Variants in TSHZ3 observed in about 807,000 individuals in gnomAD.
TSHZ3 encodes teashirt zinc finger homeobox 3.
TSHZ3 carries 10 observed loss-of-function variants against 64.5 expected under a neutral mutation model. The observed-to-expected ratio is 0.16, with a 90% CI of 0.10 to 0.26. TSHZ3 has a LOEUF of 0.26. Ranked by LOEUF, TSHZ3 falls within the 10% of genes least tolerant of loss-of-function variation. TSHZ3 has a pLI of 1.00. For synonymous variants in TSHZ3, 608 were observed against 593.1 expected (o/e 1.03, Z -0.36); for missense variants, 1,242 against 1,421.7 (o/e 0.87, Z 2.03).
intron 5 of TSHZ3, among the ~76,000 whole-genome samples, chr19:31,183,351 C>T (rs906043882): frequency 1.3e-5 from 2 of 152,122 alleles, no homozygotes; most frequent in South Asian, 2.1e-4. Context: ...CAGGGTGCCT[C>T]GACACCCGGC....
chr19:31,206,557 CT>C (rs1383838705), intron 4 of TSHZ3, among the ~76,000 whole-genome samples: 3 of 152,158 alleles, frequency 2.0e-5, no homozygotes, highest in African/African-American at 7.2e-5. Flanking sequence ...GCAACATGTC[CT>C]TCAGCTGTCT....
At position 31,348,022 on chromosome 19, in the gene TSHZ3, G is replaced by GAGAAA. The variant is rs1167379307; in HGVS notation, c.40+1153_40+1157dup. Reference sequence around the variant, plus strand: ...TCAAAAGAGAAGTAAAAGAAAGGAAGAGAAAAGAAAAGAAAGGAAGCCCCA... The same window carrying GAGAAA: ...TCAAAAGAGAAGTAAAAGAAAGGAAGAGAAAAGAAAAGAAAAGAAAGGAAGCCCCA... On this transcript the variant is annotated intron_variant, in intron 1 of 1. Transcript: ENST00000240587. Among the ~76,000 whole-genome samples, 13 of 152,278 alleles carry GAGAAA rather than the reference G, an allele frequency of 8.5e-5. No individual in the cohort carries two copies. The East Asian group carries it at 2.3e-3, about 27-fold the overall frequency.
At chr19:31,167,970 C>A (rs994953299) in intron 5 of TSHZ3, 1 of 152,236 alleles carries the variant, frequency 6.6e-6, no homozygotes, top group African/African-American at 2.4e-5. Flanking sequence ...CGTTTGAGTC[C>A]ACGGTGTGTT....
At chr19:31,310,646 T>A (rs1243215301) in intron 1 of TSHZ3, among the ~76,000 whole-genome samples, 1 of 152,196 alleles carries the variant, frequency 6.6e-6, no homozygotes, top group African/African-American at 2.4e-5. Flanking sequence ...AGTCACAATG[T>A]GAAAGGACAC....
At chr19:31,282,711 TCA>T (rs1976385293) in intron 1 of TSHZ3, among the ~76,000 whole-genome samples, 1 of 152,182 alleles carries the variant, frequency 6.6e-6, no homozygotes, top group Admixed American at 6.5e-5. Flanking sequence ...CAGAATGTCA[TCA>T]GTCTGATGAC....
chr19:31,177,994 G>A (rs1398714169), intron 5 of TSHZ3, among the ~76,000 whole-genome samples: 2 of 152,148 alleles, frequency 1.3e-5, no homozygotes, highest in African/African-American at 4.8e-5. Flanking sequence ...GGGCATTGGT[G>A]GCTGCAAGTG....
rs1012289785 is a variant in TSHZ3, at chr19:31,279,222, A to G, written c.571T>C (p.Phe191Leu). 4 of 1,614,196 alleles carry G rather than the reference A, an allele frequency of 2.5e-6. No homozygotes were observed. Among genetic ancestry groups the G allele is most frequent in the Admixed American group, 1.7e-5 (1 of 60,030 alleles). ...TGCCGGTACAGCTGCACGGTGCTGA[A>G]GAGGCTGGGCTCCGGGAGCATGCGG... ...QSRMLPEPSL[F>L]STVQLYRQSS... The change falls in exon 2 of 2, where the codon TTC (phenylalanine) becomes CTC (leucine). Residue 191 changes from phenylalanine (F) to leucine (L), a missense_variant. By Grantham distance (22) the Phe-to-Leu change is conservative. Around this residue, in one of 4 missense-constraint regions of TSHZ3, gnomAD observed 555 missense variants for 704.0 expected, o/e 0.79. Coordinates refer to ENST00000240587, the MANE Select transcript of TSHZ3 (RefSeq NM_020856.4). The surrounding 1 kb of genome is among the most constrained non-coding windows in gnomAD (Gnocchi z 6.4).
intron 1 of TSHZ3, among the ~76,000 whole-genome samples, chr19:31,325,822 C>T (rs1916915773): frequency 6.6e-6 from 1 of 152,084 alleles, no homozygotes; most frequent in South Asian, 2.1e-4. Context: ...TAGAGTCAAA[C>T]GTGGCCCTTA....
At chr19:31,344,940 C>T (rs1386819161) in intron 1 of TSHZ3, among the ~76,000 whole-genome samples, 11 of 152,288 alleles carry the variant, frequency 7.2e-5, no homozygotes, top group East Asian at 5.8e-4. Context: ...TTTATGAGCG[C>T]GCTCAAGGCA....
At chr19:31,163,549 C>A (rs536657686) in intron 5 of TSHZ3, among the ~76,000 whole-genome samples, 1 of 152,062 alleles carries the variant, frequency 6.6e-6, no homozygotes, top group African/African-American at 2.4e-5. Context: ...CTGGCCAACA[C>A]GGTGAAACCC....
At chr19:31,153,633 G>T in intron 6 of TSHZ3, among the ~76,000 whole-genome samples, 1 of 152,080 alleles carries the variant, frequency 6.6e-6, no homozygotes, top group Admixed American at 6.5e-5. Flanking sequence ...TTTTGTTGTT[G>T]TTAACTTATT....
intron 3 of TSHZ3, among the ~76,000 whole-genome samples, chr19:31,237,793 T>C (rs1246338739): frequency 1.3e-5 from 2 of 152,224 alleles, no homozygotes; most frequent in African/African-American, 4.8e-5. Flanking sequence ...AAGTTTGAAA[T>C]GTTAAATTTT....
At chr19:31,330,733 C>T (rs1917065413) in intron 1 of TSHZ3, among the ~76,000 whole-genome samples, 1 of 151,588 alleles carries the variant, frequency 6.6e-6, no homozygotes, top group Non-Finnish European at 1.5e-5. Context: ...TCCAGAACAC[C>T]TATGGGTCAT....
chr19:31,240,379 CTT>C (rs1444479714), intron 3 of TSHZ3, among the ~76,000 whole-genome samples: 3 of 152,060 alleles, frequency 2.0e-5, no homozygotes, highest in Non-Finnish European at 4.4e-5. Context: ...AAAAGATAGA[CTT>C]ATTGAAAAAA....
chr19:31,250,302 T>C (rs1486694026), intron 1 of TSHZ3, among the ~76,000 whole-genome samples: 1 of 152,240 alleles, frequency 6.6e-6, no homozygotes, highest in African/African-American at 2.4e-5. Flanking sequence ...ACAGAACATA[T>C]TCTTCTTCTA....
chr19:31,319,071 T>G (rs1034221560), intron 1 of TSHZ3, among the ~76,000 whole-genome samples: 10 of 152,192 alleles, frequency 6.6e-5, no homozygotes, highest in African/African-American at 2.4e-4. Flanking sequence ...TTTTCCTGGG[T>G]GAGTACATCT....
At chr19:31,174,613 A>C (rs1371736492) in intron 5 of TSHZ3, among the ~76,000 whole-genome samples, 1 of 152,174 alleles carries the variant, frequency 6.6e-6, no homozygotes, top group Non-Finnish European at 1.5e-5. Flanking sequence ...TTATCTGGTT[A>C]TCTATTTATG....
intron 5 of TSHZ3, among the ~76,000 whole-genome samples, chr19:31,191,537 G>A (rs1974906009): frequency 6.6e-6 from 1 of 152,122 alleles, no homozygotes; most frequent in Admixed American, 6.5e-5. Flanking sequence ...AACAGCAGAT[G>A]TACACTTAGT....
At chr19:31,184,314 A>G (rs1056739153) in intron 5 of TSHZ3, among the ~76,000 whole-genome samples, 1 of 152,244 alleles carries the variant, frequency 6.6e-6, no homozygotes, top group African/African-American at 2.4e-5. Context: ...ATGTTACAAA[A>G]ACTGCGAGAT....
Sources: allele counts gnomAD v4.1 joint callset (sites outside exome capture counted in the v4.1 genomes callset), GRCh38; gene constraint gnomAD v4.1.1; regional missense constraint gnomAD v4.1.1; non-coding constraint Gnocchi (gnomAD v3.1); transcripts MANE v1.5; gene names NCBI Gene and HGNC (gene_info 2026-07-23, HGNC 2026-07-21).